OR51B5: variants seen among roughly 807,000 people sequenced by gnomAD.
The protein encoded by OR51B5 is olfactory receptor 51B5.
For missense variants in OR51B5, 456 were observed against 374.6 expected (o/e 1.22, Z -1.79); for synonymous variants, 186 against 144.8 (o/e 1.28, Z -2.04).
intron 1 of OR51B5, among the ~76,000 whole-genome samples, chr11:5,424,911 G>A (rs1850422846): frequency 9.3e-6 from 1 of 107,052 alleles, no homozygotes; most frequent in African/African-American, 3.3e-5. Context: ...GAACCCGGGA[G>A]GCGGAGCTTG....
chr11:5,418,490 C>G (rs912023994), intron 1 of OR51B5, among the ~76,000 whole-genome samples: 28 of 151,770 alleles, frequency 1.8e-4, no homozygotes, highest in African/African-American at 6.5e-4. Context: ...AAATGTCCAT[C>G]AGTGATCGAC....
chr11:5,403,851 G>C (rs1850013819), intron 1 of OR51B5, among the ~76,000 whole-genome samples: 1 of 152,108 alleles, frequency 6.6e-6, no homozygotes, highest in Non-Finnish European at 1.5e-5. Flanking sequence ...ATGAGGAAAA[G>C]GCACCTGGGA....
intron 1 of OR51B5, among the ~76,000 whole-genome samples, chr11:5,457,540 C>T (rs1206269607): frequency 6.6e-6 from 1 of 152,124 alleles, no homozygotes; most frequent in Non-Finnish European, 1.5e-5. Context: ...TGAGAAATAT[C>T]CAAACTTCTT....
intron 1 of OR51B5, among the ~76,000 whole-genome samples, chr11:5,383,115 T>C (rs369780111): frequency 6.6e-6 from 1 of 152,078 alleles, no homozygotes; most frequent in Admixed American, 6.6e-5. Context: ...TAAATGTTGA[T>C]GGCATTTGCT....
At chr11:5,398,537 T>C (rs1036370145) in intron 1 of OR51B5, among the ~76,000 whole-genome samples, 1 of 152,160 alleles carries the variant, frequency 6.6e-6, no homozygotes, top group Non-Finnish European at 1.5e-5. Context: ...CAGAGGCCAG[T>C]TTCACTTGTG....
intron 1 of OR51B5, chr11:5,489,503 G>A (rs141223462): frequency 2.5e-5 from 41 of 1,613,892 alleles, no homozygotes; most frequent in Admixed American, 3.3e-5. Context: ...CTCACCCACC[G>A]CTTTGGTCAC....
intron 1 of OR51B5, among the ~76,000 whole-genome samples, chr11:5,406,748 T>G (rs1850063077): frequency 6.6e-6 from 1 of 152,112 alleles, no homozygotes; most frequent in Non-Finnish European, 1.5e-5. Flanking sequence ...AATGAGGATG[T>G]AAAGATCAAG....
chr11:5,413,778 C>G (rs1850188772), intron 1 of OR51B5, among the ~76,000 whole-genome samples: 1 of 151,796 alleles, frequency 6.6e-6, no homozygotes, highest in African/African-American at 2.4e-5. Context: ...AAATATGGGA[C>G]TATGTGAAAA....
chr11:5,480,489 G>T lies in OR51B5; in HGVS notation n.84+25080C>A, dbSNP rs1213982982. Among the ~76,000 whole-genome samples the T allele has an allele frequency of 1.7e-3, 250 of 149,374 alleles. 1 individual carries two copies. The highest frequency in any genetic ancestry group is 7.1e-3 in the Middle Eastern group (2 of 282). On this transcript the variant is annotated intron_variant and non_coding_transcript_variant, in intron 1 of 4. Transcript: ENST00000415970. The stretch of plus-strand genomic sequence containing the variant: ...AAACACATTCAAAAGCTAGCAGAAG[G>T]CAAGAAATAACTAAAATCAGAGCAG...
intron 1 of OR51B5, among the ~76,000 whole-genome samples, chr11:5,425,089 A>AGGTT (rs1452487361): frequency 8.8e-6 from 1 of 114,048 alleles, no homozygotes; most frequent in African/African-American, 3.0e-5. Context: ...TAGAGCCTAA[A>AGGTT]AGTTAGCATT....
intron 1 of OR51B5, among the ~76,000 whole-genome samples, chr11:5,374,370 C>A (rs1849491268): frequency 2.0e-5 from 3 of 152,082 alleles, no homozygotes; most frequent in African/African-American, 4.8e-5. Context: ...GATACAACCA[C>A]AAAGTTGGGG....
At chr11:5,377,478 C>CA (rs1282550979) in intron 1 of OR51B5, among the ~76,000 whole-genome samples, 1 of 151,700 alleles carries the variant, frequency 6.6e-6, no homozygotes, top group Non-Finnish European at 1.5e-5. Flanking sequence ...AGGCAGAAGA[C>CA]AGGAAAAAAG....
intron 1 of OR51B5, among the ~76,000 whole-genome samples, chr11:5,351,263 G>A (rs528536644): frequency 1.1e-4 from 17 of 152,304 alleles, no homozygotes; most frequent in African/African-American, 3.8e-4. Flanking sequence ...ATGAATAGCT[G>A]TATCCCCAAC....
chr11:5,398,190 TTAAAA>T (rs1849910106), intron 1 of OR51B5, among the ~76,000 whole-genome samples: 2 of 49,226 alleles, frequency 4.1e-5, no homozygotes, highest in Non-Finnish European at 1.6e-4. Flanking sequence ...ACCCTAAAAC[TTAAAA>T]GTATAACAAA....
intron 1 of OR51B5, among the ~76,000 whole-genome samples, chr11:5,358,722 G>A (rs370765675): frequency 0.38 from 57,046 of 151,088 alleles, 10,989 homozygotes; most frequent in Non-Finnish European, 0.4. Context: ...ATCCCTGATG[G>A]ACATCGATGC....
exon 1 of OR51B5, chr11:5,343,014 C>T: frequency 2.5e-6 from 4 of 1,613,660 alleles, no homozygotes; most frequent in Non-Finnish European, 2.5e-6. Context: ...TGTGAAAGAA[C>T]ATGGGAGTGA....
At chr11:5,476,047 G>A (rs557568961) in intron 1 of OR51B5, among the ~76,000 whole-genome samples, 1 of 152,224 alleles carries the variant, frequency 6.6e-6, no homozygotes, top group East Asian at 1.9e-4. Flanking sequence ...CTCATAAAGT[G>A]ATTTACTCAC....
At position 5,365,918 on chromosome 11, in the gene OR51B5, C is replaced by A. The variant is rs532877156; in HGVS notation, n.85-19008G>T. ...TTGGGTTCTGAAGGGTCTGACTGAC[C>A]AGAGAGGCATGAAGGGGGCAGGCTC... On this transcript the variant is annotated intron_variant and non_coding_transcript_variant, in intron 1 of 4. Coordinates refer to the OR51B5 transcript ENST00000415970. 6.6e-5 allele frequency among the ~76,000 whole-genome samples: 10 copies of A among 152,174 alleles called. 2 individuals are homozygous for A. In the South Asian group the frequency reaches 2.1e-3, roughly 32 times the overall value.
chr11:5,424,834 T>C (rs1435497778), intron 1 of OR51B5, among the ~76,000 whole-genome samples: 1 of 103,752 alleles, frequency 9.6e-6, no homozygotes, highest in East Asian at 2.1e-4. Flanking sequence ...TAGAAAAAAT[T>C]AGCCGGGCGT....
Sources: gnomAD v4.1 joint callset for allele counts (sites outside exome capture counted in the v4.1 genomes callset) on GRCh38, gnomAD v4.1.1 for gene constraint, MANE v1.5 for transcripts, NCBI Gene and HGNC (gene_info 2026-07-23, HGNC 2026-07-21) for gene names.